ITGA4: variants seen among roughly 807,000 people sequenced by gnomAD.
ITGA4 encodes integrin alpha-4.
In ITGA4, 63 loss-of-function variants were observed where a neutral mutation model predicts 133.6. The observed-to-expected ratio is 0.47, with a 90% CI of 0.38 to 0.58. The LOEUF (loss-of-function observed/expected upper bound fraction) is 0.58, where lower values mean the gene tolerates loss of function less well. Among genes scored for constraint, ITGA4 ranks in the 20% least tolerant of loss-of-function variants. The pLI, the probability that ITGA4 is intolerant of heterozygous loss-of-function variation, is 0.00. For synonymous variants in ITGA4, 483 were observed against 438.0 expected (o/e 1.10, Z -1.28); for missense variants, 1,076 against 1,252.7 (o/e 0.86, Z 2.13).
chr2:181,522,384 T>C (rs977044483), intron 18 of ITGA4, 43 bp downstream of exon 18: 12 of 1,382,602 alleles, frequency 8.7e-6, no homozygotes, highest in Non-Finnish European at 1.2e-5. Context: ...ACTTGGTATT[T>C]TACTTAATTT....
chr2:181,488,319 C>A (rs1322462033), intron 10 of ITGA4, among the ~76,000 whole-genome samples: 1 of 152,136 alleles, frequency 6.6e-6, no homozygotes, highest in East Asian at 1.9e-4. Context: ...GTATATGAGA[C>A]CCTGGGCTTC....
At chr2:181,474,594 A>G (rs190001027) in intron 2 of ITGA4, among the ~76,000 whole-genome samples, 2 of 152,344 alleles carry the variant, frequency 1.3e-5, no homozygotes, top group East Asian at 3.9e-4. Context: ...CTCTGATAAT[A>G]TTGCTTACGT....
intron 10 of ITGA4, 191 bp downstream of exon 10, chr2:181,486,183 T>C: frequency 1.7e-6 from 1 of 574,878 alleles, no homozygotes; most frequent in Non-Finnish European, 2.8e-6. Flanking sequence ...TTTACCACTG[T>C]TAATAATGGA....
intron 11 of ITGA4, among the ~76,000 whole-genome samples, chr2:181,494,326 G>A (rs1371052772): frequency 6.6e-6 from 1 of 152,132 alleles, no homozygotes; most frequent in African/African-American, 2.4e-5. Flanking sequence ...ACCTAAGGAG[G>A]CCAGACATGG....
chr2:181,458,114 C>A (rs1685174668), intron 1 of ITGA4, 82 bp from the exon 2 acceptor site: 1 of 1,581,672 alleles, frequency 6.3e-7, no homozygotes, highest in East Asian at 2.3e-5. Context: ...TGCCCTGCTG[C>A]GGACTGCACA....
rs1299811858 is a variant in ITGA4 at position 181,477,886 on chromosome 2, TGCG to T, written c.557-870_557-868del. 4.0e-4 allele frequency among the ~76,000 whole-genome samples: 61 copies of T among 152,276 alleles called. 1 individual carries two copies. In the South Asian group the frequency reaches 7.5e-3, roughly 19 times the overall value. On this transcript the variant is annotated intron_variant, in intron 4 of 27. Coordinates refer to ENST00000397033, the MANE Select transcript of ITGA4 (RefSeq NM_000885.6). Reference sequence around the variant, plus strand: ...GAAATCAGTACCACATAAAGAGATCTGCGTTTTTATGTTCATTGCAGCAGCATT... The same window carrying T: ...GAAATCAGTACCACATAAAGAGATCTTTTTTATGTTCATTGCAGCAGCATT...
chr2:181,457,410 C>G lies in ITGA4; in HGVS notation c.-245C>G, dbSNP rs1215861630. ...AGAAGCAGCGCGAGCACCCGAAGCTCCCGGCTGGCGGCAGAAACCGGGAGT... is the reference window on the plus strand; with the variant it reads ...AGAAGCAGCGCGAGCACCCGAAGCTGCCGGCTGGCGGCAGAAACCGGGAGT... On this transcript the variant is annotated 5_prime_UTR_variant, in exon 1 of 28. Transcript: ENST00000397033. The G allele has an allele frequency of 6.4e-6, 3 of 470,118 alleles. No individual in the cohort carries two copies. The highest frequency in any genetic ancestry group is 6.3e-5 in the African/African-American group (3 of 47,980). The allele number at this position is 470,118 out of a possible 1,614,324, so 29.1% of individuals were successfully genotyped here. A position where few individuals can be genotyped will look rare whatever the true frequency, so the allele number is the denominator to read the frequency against.
chr2:181,485,061 A>G (rs1416484732), intron 9 of ITGA4, among the ~76,000 whole-genome samples: 1 of 152,168 alleles, frequency 6.6e-6, no homozygotes, highest in Non-Finnish European at 1.5e-5. Context: ...TTATTGTAGT[A>G]ACTCATCTTC....
intron 4 of ITGA4, among the ~76,000 whole-genome samples, chr2:181,478,180 A>T (rs970861690): frequency 2.0e-5 from 3 of 152,102 alleles, no homozygotes; most frequent in Non-Finnish European, 4.4e-5. Flanking sequence ...AGTCAAATAC[A>T]TAGAGAAGAA....
Position 181,531,761 on chromosome 2 carries a change from A to T in ITGA4, c.2769A>T (p.Pro923=). 6.3e-7 allele frequency: 1 copy of T among 1,597,282 alleles called. No individual in the cohort carries two copies. The highest frequency in any genetic ancestry group is 8.5e-7 in the Non-Finnish European group (1 of 1,173,886). Residue 923 remains proline, a synonymous_variant, in exon 25 of 28, where the codon CCA becomes CCT. Coordinates refer to ENST00000397033, the MANE Select transcript of ITGA4 (RefSeq NM_000885.6). ...ASVHIQLEGR[P]SILEMDETSA... Reference sequence around the variant, plus strand: ...TTCATATCCAACTGGAAGGCCGGCCATCCATTTTAGAAATGGTAAGTAAGT... The same window carrying T: ...TTCATATCCAACTGGAAGGCCGGCCTTCCATTTTAGAAATGGTAAGTAAGT...
chr2:181,505,042 A>T (rs1435122956), intron 15 of ITGA4, among the ~76,000 whole-genome samples: 1 of 151,908 alleles, frequency 6.6e-6, no homozygotes, highest in East Asian at 1.9e-4. Flanking sequence ...ATCTAGTCAT[A>T]TTCCTTGCTT....
chr2:181,488,837 C>T (rs1027173530), intron 10 of ITGA4, among the ~76,000 whole-genome samples: 2 of 152,180 alleles, frequency 1.3e-5, no homozygotes, highest in Non-Finnish European at 2.9e-5. Flanking sequence ...GGATTACAGG[C>T]ATGAGCCACT....
intron 2 of ITGA4, among the ~76,000 whole-genome samples, chr2:181,461,282 G>A (rs999863571): frequency 6.7e-6 from 1 of 150,252 alleles, no homozygotes; most frequent in East Asian, 2.0e-4. Flanking sequence ...CCAGCACCAA[G>A]AGAGTTGCCT....
chr2:181,525,309 C>T lies in ITGA4; in HGVS notation c.2339+18C>T, dbSNP rs760620003. The stretch of plus-strand genomic sequence containing the variant: ...GTTCATGGGTAAGTAGACATAAAGG[C>T]TTCCTTTCAAATTTAGAGCTGATTT... On this transcript the variant is annotated intron_variant, in intron 21 of 27. Transcript: ENST00000397033. 4 of 1,329,588 alleles carry T rather than the reference C, an allele frequency of 3.0e-6. No homozygotes were observed. The highest frequency in any genetic ancestry group is 4.3e-6 in the Non-Finnish European group (4 of 929,614). The allele number at this position is 1,329,588 out of a possible 1,614,324, so 82.4% of individuals were successfully genotyped here.
At chr2:181,528,256 C>A (rs192521819) in intron 22 of ITGA4, among the ~76,000 whole-genome samples, 1 of 152,242 alleles carries the variant, frequency 6.6e-6, no homozygotes, top group Admixed American at 6.5e-5. Flanking sequence ...ATGTATACTC[C>A]AATTTTTGTT....
intron 2 of ITGA4, among the ~76,000 whole-genome samples, chr2:181,473,879 T>A (rs577978190): frequency 3.9e-5 from 6 of 152,274 alleles, no homozygotes; most frequent in African/African-American, 1.4e-4. Context: ...GGGGTCAACA[T>A]TATAGGAGGA....
chr2:181,476,334 A>G (rs890854684), intron 4 of ITGA4: 1 of 152,324 alleles, frequency 6.6e-6, no homozygotes, highest in Non-Finnish European at 1.5e-5. Flanking sequence ...AAATCTCAAG[A>G]TGCCATAAAC....
Position 181,516,197 on chromosome 2 carries a change from A to G in ITGA4, c.1922+4422A>G, listed in dbSNP as rs975235756. On this transcript the variant is annotated intron_variant, in intron 17 of 27. Coordinates refer to ENST00000397033, the MANE Select transcript of ITGA4 (RefSeq NM_000885.6). This position sits in a 1 kb window ranked among gnomAD's most constrained non-coding sequence, Gnocchi z 4.0. ...TGAAACTCATGTAAATGATACCGCA[A>G]TACATTTCTGCACCTCAGTTGTGCT... Among the ~76,000 whole-genome samples the G allele has an allele frequency of 1.3e-5, 2 of 152,092 alleles. No homozygotes were observed. Among genetic ancestry groups the G allele is most frequent in the African/African-American group, 4.8e-5 (2 of 41,444 alleles).
rs201433950 is a variant in ITGA4, at chr2:181,534,367, G to C, written c.2880G>C (p.Ala960=). ...AACTAAACAAGGATGAGAATGTTGC[G>C]CATGTAAGATTACCCTCTTAACTGC... is the stretch of plus-strand genomic sequence containing the variant. ...VIELNKDENV[A]HVLLEGLHHQ... The change falls in exon 26 of 28, where the codon GCG becomes GCC. Residue 960 remains alanine, a synonymous_variant. Transcript: ENST00000397033. The C allele has an allele frequency of 6.4e-7, 1 of 1,553,682 alleles. No individual in the cohort carries two copies. The highest frequency in any genetic ancestry group is 8.9e-7 in the Non-Finnish European group (1 of 1,126,192).
Sources: allele counts gnomAD v4.1 joint callset (sites outside exome capture counted in the v4.1 genomes callset), GRCh38; gene constraint gnomAD v4.1.1; non-coding constraint Gnocchi (gnomAD v3.1); transcripts MANE v1.5; gene names NCBI Gene and HGNC (gene_info 2026-07-23, HGNC 2026-07-21).